Variants in SORD observed in about 807,000 individuals in gnomAD.
SORD encodes sorbitol dehydrogenase.
Under a neutral mutation model 35.6 loss-of-function variants are expected in SORD, and 18 were observed. That is an observed-to-expected ratio of 0.51 (90% CI 0.35 to 0.75). The LOEUF (loss-of-function observed/expected upper bound fraction) is 0.75, where lower values mean the gene tolerates loss of function less well. Among genes scored for constraint, SORD ranks in the 30% least tolerant of loss-of-function variants. The pLI, the probability that SORD is intolerant of heterozygous loss-of-function variation, is 0.01. For synonymous variants in SORD, 106 were observed against 152.9 expected, an observed-to-expected ratio of 0.69 and a Z score of 2.26; for missense variants, 250 against 390.2, an observed-to-expected ratio of 0.64 and a Z score of 3.03.
At chr15:45,025,624 CAAAAA>C (rs34029087) in intron 1 of SORD, among the ~76,000 whole-genome samples, 1 of 68,252 alleles carries the variant, frequency 1.5e-5, no homozygotes, top group Non-Finnish European at 3.3e-5. Flanking sequence ...AAAACTATGT[CAAAAA>C]AAAAAAAAAA....
rs1460797821 is a variant in SORD, at chr15:45,039,806, CTG to C, written c.67-600_67-599del. Among the ~76,000 whole-genome samples, 4 of 152,326 alleles carry C rather than the reference CTG, an allele frequency of 2.6e-5. No individual in the cohort carries two copies. In the East Asian group the frequency reaches 7.7e-4, roughly 29 times the overall value. On this transcript the variant is annotated intron_variant, in intron 1 of 8. Transcript: ENST00000267814. ...TAGCGGGAAACATCCTCACGTGCAA[CTG>C]TCAGAAACGCCTGCATCCTTTCCCT...
At chr15:45,033,344 CT>C (rs577606067) in intron 1 of SORD, among the ~76,000 whole-genome samples, 256 of 151,270 alleles carry the variant, frequency 1.7e-3, no homozygotes, top group African/African-American at 5.9e-3. Context: ...TTAAATCCCC[CT>C]AGATTACCTC....
At chr15:45,047,497 TA>T (rs1325521759) in intron 3 of SORD, among the ~76,000 whole-genome samples, 1 of 152,162 alleles carries the variant, frequency 6.6e-6, no homozygotes, top group Non-Finnish European at 1.5e-5. Context: ...AAAGCAGAGA[TA>T]ACACCATCTT....
intron 1 of SORD, among the ~76,000 whole-genome samples, chr15:45,031,439 G>A (rs1892784952): frequency 6.6e-6 from 1 of 152,230 alleles, no homozygotes; most frequent in African/African-American, 2.4e-5. Flanking sequence ...GAGGAGTGTT[G>A]TTGCTGTTCT....
intron 1 of SORD, among the ~76,000 whole-genome samples, chr15:45,029,637 T>C (rs1457287661): frequency 1.3e-5 from 2 of 152,248 alleles, no homozygotes; most frequent in African/African-American, 4.8e-5. Flanking sequence ...ATGCCACTGG[T>C]GAGGGGCAAA....
intron 1 of SORD, among the ~76,000 whole-genome samples, chr15:45,034,521 A>T (rs113072058): frequency 1.4e-5 from 2 of 144,784 alleles, no homozygotes; most frequent in Non-Finnish European, 2.9e-5. Context: ...GAAAAGCAAG[A>T]TAACATTTAG....
At chr15:45,026,192 T>C (rs1372919025) in intron 1 of SORD, among the ~76,000 whole-genome samples, 1 of 152,172 alleles carries the variant, frequency 6.6e-6, no homozygotes, top group East Asian at 1.9e-4. Context: ...GTATCACTGC[T>C]CCTCCATCTT....
intron 5 of SORD, among the ~76,000 whole-genome samples, chr15:45,067,070 T>G (rs1893418237): frequency 6.6e-6 from 1 of 152,138 alleles, no homozygotes; most frequent in Admixed American, 6.6e-5. Flanking sequence ...CTACTCTTTT[T>G]TAAAAATCAG....
chr15:45,049,969 T>G (rs949800330), intron 3 of SORD, among the ~76,000 whole-genome samples: 1 of 152,240 alleles, frequency 6.6e-6, no homozygotes, highest in African/African-American at 2.4e-5. Context: ...AAAATAAACT[T>G]TAGTCTTATA....
At chr15:45,050,548 T>A (rs769050808) in intron 3 of SORD, 1 of 152,160 alleles carries the variant, frequency 6.6e-6, no homozygotes, top group Non-Finnish European at 1.5e-5. Flanking sequence ...AGACAAGATA[T>A]GAAGCCAGTT....
At chr15:45,027,563 A>T (rs1282576706) in intron 1 of SORD, among the ~76,000 whole-genome samples, 2 of 152,256 alleles carry the variant, frequency 1.3e-5, no homozygotes, top group African/African-American at 2.4e-5. Context: ...ATATCAGCTT[A>T]AAAAGAGGTG....
chr15:45,035,632 C>A (rs1054001516), intron 1 of SORD, among the ~76,000 whole-genome samples: 1 of 152,176 alleles, frequency 6.6e-6, no homozygotes, highest in Non-Finnish European at 1.5e-5. Context: ...TCGCTGGGGT[C>A]CCCTTCCACA....
At chr15:45,063,757 A>G (rs761260968) in intron 4 of SORD, among the ~76,000 whole-genome samples, 71 of 152,338 alleles carry the variant, frequency 4.7e-4, no homozygotes, top group Non-Finnish European at 5.6e-4. Flanking sequence ...AGGCGTGTCT[A>G]GGAACCTGTG....
intron 3 of SORD, among the ~76,000 whole-genome samples, chr15:45,059,369 A>G (rs1053425852): frequency 1.3e-5 from 2 of 152,088 alleles, no homozygotes; most frequent in African/African-American, 2.4e-5. Context: ...ATGCACAAAA[A>G]AAAAACCCCA....
intron 3 of SORD, among the ~76,000 whole-genome samples, chr15:45,049,095 C>T (rs149479165): frequency 2.3e-3 from 349 of 152,276 alleles, no homozygotes; most frequent in Non-Finnish European, 4.0e-3. Context: ...ACTGATTACC[C>T]GAAGAACAGA....
chr15:45,056,483 A>T (rs1380478922), intron 3 of SORD, among the ~76,000 whole-genome samples: 1 of 152,248 alleles, frequency 6.6e-6, no homozygotes, highest in Non-Finnish European at 1.5e-5. Context: ...AATGAAATAA[A>T]AGAGGATACA....
chr15:45,025,772 A>C (rs185684066), intron 1 of SORD, among the ~76,000 whole-genome samples: 1 of 152,190 alleles, frequency 6.6e-6, no homozygotes, highest in South Asian at 2.1e-4. Context: ...ACTGAGCAGT[A>C]CTGCACTGCC....
intron 1 of SORD, 132 bp downstream of exon 1, chr15:45,023,481 C>T: frequency 2.7e-6 from 2 of 734,350 alleles, no homozygotes; most frequent in Non-Finnish European, 4.0e-6. Flanking sequence ...GCCCAGATCC[C>T]AGCTGGTTCC....
chr15:45,057,612 G>A lies in SORD; in HGVS notation c.266-3455G>A, dbSNP rs146781399. On this transcript the variant is annotated intron_variant, in intron 3 of 8. Transcript: ENST00000267814. ...ATCCTGGCTAACATGGTGAAACCCC[G>A]TCTCTACTAAAAATACAAAAATTAG... Among the ~76,000 whole-genome samples the A allele has an allele frequency of 7.9e-5, 12 of 152,158 alleles. No homozygotes were observed. In the East Asian group the frequency reaches 1.4e-3, roughly 17 times the overall value.
Sources: gnomAD v4.1 joint callset for allele counts (sites outside exome capture counted in the v4.1 genomes callset) on GRCh38, gnomAD v4.1.1 for gene constraint, MANE v1.5 for transcripts, NCBI Gene and HGNC (gene_info 2026-07-23, HGNC 2026-07-21) for gene names.